Variants in SATB2 observed in about 807,000 individuals in gnomAD.
The protein encoded by SATB2 is SATB homeobox 2.
In SATB2, 1 loss-of-function variant was observed where a neutral mutation model predicts 73.4. The ratio of observed to expected loss-of-function variants is 0.01; its 90% CI spans 0.00 to 0.06. The LOEUF (loss-of-function observed/expected upper bound fraction) is 0.06, where lower values mean the gene tolerates loss of function less well. SATB2 is among the 10% of genes least tolerant of loss of function. The pLI is 1.00. For missense variants in SATB2, 459 were observed against 945.8 expected (o/e 0.49, Z 6.75); for synonymous variants, 397 against 367.0 (o/e 1.08, Z -0.93).
chr2:199,307,540 G>A lies in SATB2; in HGVS notation c.1740+1220C>T, dbSNP rs1319681353. Among the ~76,000 whole-genome samples, 3 of 152,260 alleles carry A rather than the reference G, an allele frequency of 2.0e-5. No homozygotes were observed. In the East Asian group the frequency reaches 5.8e-4, roughly 29 times the overall value. On this transcript the variant is annotated intron_variant, in intron 10 of 10. Coordinates refer to ENST00000417098, the MANE Select transcript of SATB2 (RefSeq NM_001172509.2). ...CATCCCCAACTCTGGGATCACTGTG[G>A]ATATTGCAAGAGACTGCCTCTACAA...
chr2:199,446,319 C>T lies in SATB2; in HGVS notation c.169+9550G>A, dbSNP rs148468395. Among the ~76,000 whole-genome samples, 18 of 152,236 alleles carry T rather than the reference C, an allele frequency of 1.2e-4. No homozygotes were observed. The East Asian group carries it at 3.5e-3, about 29-fold the overall frequency. ...TACATTATCAGCCTCACAGAACTTC[C>T]TTGTTAATACCAAAGCACTATTTTG... On this transcript the variant is annotated intron_variant, in intron 2 of 10. Coordinates refer to ENST00000417098, the MANE Select transcript of SATB2 (RefSeq NM_001172509.2).
At chr2:199,312,786 T>C (rs1574495563) in intron 9 of SATB2, among the ~76,000 whole-genome samples, 1 of 152,172 alleles carries the variant, frequency 6.6e-6, no homozygotes, top group East Asian at 1.9e-4. Flanking sequence ...AATGCTCTGA[T>C]ATAATGTACT....
At position 199,357,423 on chromosome 2, in the gene SATB2, CATTT is replaced by C. The variant is rs140351526; in HGVS notation, c.701-8254_701-8251del. Among the ~76,000 whole-genome samples the C allele has an allele frequency of 3.3e-3, 497 of 152,242 alleles. 5 individuals are homozygous for C. The highest frequency in any genetic ancestry group is 0.011 in the African/African-American group (442 of 41,548). On this transcript the variant is annotated intron_variant, in intron 6 of 10. Transcript: ENST00000417098. Reference sequence around the variant, plus strand: ...TTTACATTAAAATTCATATAATAAACATTTATTAATCAACTATCATGTGCCAGGA... The same window carrying C: ...TTTACATTAAAATTCATATAATAAACATTAATCAACTATCATGTGCCAGGA...
intron 10 of SATB2, among the ~76,000 whole-genome samples, chr2:199,286,770 G>A (rs1692701197): frequency 1.3e-5 from 2 of 152,152 alleles, no homozygotes; most frequent in South Asian, 4.1e-4. Context: ...TGTCTTTAAA[G>A]ACCTTACATC....
intron 5 of SATB2, among the ~76,000 whole-genome samples, chr2:199,371,787 C>T (rs922261759): frequency 1.3e-5 from 2 of 152,092 alleles, no homozygotes; most frequent in Non-Finnish European, 1.5e-5. Context: ...GCAACCAACT[C>T]GAGTATCTCT....
intron 3 of SATB2, among the ~76,000 whole-genome samples, chr2:199,405,929 T>C (rs1367922308): frequency 6.6e-6 from 1 of 152,172 alleles, no homozygotes; most frequent in East Asian, 1.9e-4. Context: ...ATTCAGTCCA[T>C]GGGTTCTAGA....
At chr2:199,310,253 A>C (rs1687560099) in intron 9 of SATB2, among the ~76,000 whole-genome samples, 1 of 152,122 alleles carries the variant, frequency 6.6e-6, no homozygotes, top group Admixed American at 6.5e-5. Flanking sequence ...GTAACACAAC[A>C]CTGCCTTGTT....
intron 3 of SATB2, among the ~76,000 whole-genome samples, chr2:199,406,199 C>G (rs1326318325): frequency 3.9e-5 from 6 of 152,052 alleles, no homozygotes; most frequent in Admixed American, 3.3e-4. Context: ...AACCAATCCC[C>G]CTGGACACAA....
chr2:199,427,811 T>A (rs927048406), intron 3 of SATB2, among the ~76,000 whole-genome samples: 5 of 152,126 alleles, frequency 3.3e-5, no homozygotes, highest in African/African-American at 1.2e-4. Flanking sequence ...TGAAAGAATA[T>A]TCATTTCTAA....
intron 10 of SATB2, among the ~76,000 whole-genome samples, chr2:199,296,991 C>T (rs16831232): frequency 0.02 from 3,055 of 152,278 alleles, 100 homozygotes; most frequent in African/African-American, 0.069. Context: ...AACTTTTTAA[C>T]CTTAAAGCCA....
chr2:199,427,351 C>T (rs1173427504), intron 3 of SATB2, among the ~76,000 whole-genome samples: 1 of 151,290 alleles, frequency 6.6e-6, no homozygotes, highest in African/African-American at 2.4e-5. Context: ...AATTAAGGGA[C>T]ACATCAACCA....
chr2:199,272,108 A>C lies in SATB2; in HGVS notation c.*103T>G. 8.4e-7 allele frequency: 1 copy of C among 1,189,540 alleles called. No individual in the cohort carries two copies. The highest frequency in any genetic ancestry group is 1.2e-5 in the South Asian group (1 of 80,936). The allele number at this position is 1,189,540 out of a possible 1,614,324, so 73.7% of individuals were successfully genotyped here. A position where few individuals can be genotyped will look rare whatever the true frequency, so the allele number is the denominator to read the frequency against. On this transcript the variant is annotated 3_prime_UTR_variant, in exon 11 of 11. Coordinates refer to ENST00000417098, the MANE Select transcript of SATB2 (RefSeq NM_001172509.2). The surrounding 1 kb of genome is among the most constrained non-coding windows in gnomAD (Gnocchi z 6.7). ...AAAAGACAAAAATAAAGCCAAAAAA[A>C]CCCAAAAACAAAAACAAAAAACAAA... is the stretch of plus-strand genomic sequence containing the variant.
At chr2:199,426,984 C>T (rs1691355452) in intron 3 of SATB2, among the ~76,000 whole-genome samples, 1 of 152,096 alleles carries the variant, frequency 6.6e-6, no homozygotes, top group South Asian at 2.1e-4. Flanking sequence ...AGTGATTCTC[C>T]TGCCTCAGCC....
intron 9 of SATB2, among the ~76,000 whole-genome samples, chr2:199,320,462 C>T (rs113564425): frequency 0.02 from 3,054 of 152,140 alleles, 101 homozygotes; most frequent in African/African-American, 0.069. Flanking sequence ...TCCTTTCCCA[C>T]GAAGAAAGGG....
intron 2 of SATB2, among the ~76,000 whole-genome samples, chr2:199,446,505 CTTTT>C (rs1691966868): frequency 6.6e-6 from 1 of 152,008 alleles, no homozygotes; most frequent in Non-Finnish European, 1.5e-5. Context: ...AAAACACTTT[CTTTT>C]AATTGTACAA....
intron 3 of SATB2, among the ~76,000 whole-genome samples, chr2:199,383,720 T>A (rs1428359054): frequency 6.6e-6 from 1 of 152,210 alleles, no homozygotes; most frequent in Admixed American, 6.5e-5. Flanking sequence ...AACGCACAAC[T>A]CTACAAGAGA....
chr2:199,368,001 G>T (rs757522548), intron 6 of SATB2, among the ~76,000 whole-genome samples: 2 of 151,968 alleles, frequency 1.3e-5, no homozygotes, highest in African/African-American at 2.4e-5. Context: ...TTGTCAAGAG[G>T]TTACTTTGTG....
chr2:199,437,115 A>G (rs1691675969), intron 2 of SATB2, among the ~76,000 whole-genome samples: 1 of 152,220 alleles, frequency 6.6e-6, no homozygotes, highest in African/African-American at 2.4e-5. Flanking sequence ...CTATATCTTG[A>G]GCTTCCAATA....
At chr2:199,305,842 A>T (rs1359670501) in intron 10 of SATB2, among the ~76,000 whole-genome samples, 1 of 152,196 alleles carries the variant, frequency 6.6e-6, no homozygotes, top group Admixed American at 6.5e-5. Flanking sequence ...TAATTACCTA[A>T]AGAAATTTAA....
Sources: gnomAD v4.1 joint callset for allele counts (sites outside exome capture counted in the v4.1 genomes callset) on GRCh38, gnomAD v4.1.1 for gene constraint, Gnocchi (gnomAD v3.1) non-coding constraint, MANE v1.5 for transcripts, NCBI Gene and HGNC (gene_info 2026-07-23, HGNC 2026-07-21) for gene names.